The following PSMD11 variants were observed in gnomAD, a reference collection of about 807,000 sequenced individuals.
PSMD11 encodes 26S proteasome non-ATPase regulatory subunit 11.
PSMD11 carries 5 observed loss-of-function variants against 62.3 expected under a neutral mutation model. The observed-to-expected ratio is 0.08, with a 90% CI of 0.04 to 0.17. The LOEUF is 0.17. Ranked by LOEUF, PSMD11 falls within the 10% of genes least tolerant of loss-of-function variation. The pLI is 1.00. For missense variants in PSMD11, 310 were observed against 512.9 expected (o/e 0.60, Z 3.82); for synonymous variants, 191 against 191.8 (o/e 1.00, Z 0.03).
chr17:32,467,105 C>T (rs1240858062), intron 5 of PSMD11, among the ~76,000 whole-genome samples: 2 of 151,546 alleles, frequency 1.3e-5, no homozygotes, highest in African/African-American at 4.9e-5. Flanking sequence ...CCACCATGCT[C>T]GGCTAATTTT....
intron 12 of PSMD11, 56 bp from the exon 13 acceptor site, chr17:32,480,433 A>G (rs1908454841): frequency 3.7e-6 from 6 of 1,605,496 alleles, no homozygotes; most frequent in South Asian, 1.1e-5. Flanking sequence ...CTGCTTCACA[A>G]ACACTTTTGT....
chr17:32,475,204 CAT>C (rs1191665127), intron 8 of PSMD11, among the ~76,000 whole-genome samples: 2 of 152,098 alleles, frequency 1.3e-5, no homozygotes, highest in African/African-American at 4.8e-5. Flanking sequence ...AGGTCTGGTG[CAT>C]ATGTGCTTTA....
chr17:32,468,636 A>T (rs756205570), intron 5 of PSMD11, among the ~76,000 whole-genome samples: 1 of 152,190 alleles, frequency 6.6e-6, no homozygotes, highest in Non-Finnish European at 1.5e-5. Flanking sequence ...AGTGTTTCTT[A>T]TATAGCCTTG....
At chr17:32,451,120 CAAAA>C (rs68054446) in intron 2 of PSMD11, among the ~76,000 whole-genome samples, 3 of 106,380 alleles carry the variant, frequency 2.8e-5, no homozygotes, top group Non-Finnish European at 4.0e-5. Context: ...GGCTCTTTCT[CAAAA>C]AAAAAAAAAA....
intron 3 of PSMD11, among the ~76,000 whole-genome samples, chr17:32,456,810 C>T (rs530063873): frequency 3.7e-4 from 57 of 152,324 alleles, no homozygotes; most frequent in African/African-American, 1.1e-3. Flanking sequence ...GGATTACCGG[C>T]GTGAGCCACC....
At chr17:32,457,910 C>T (rs1369661736) in intron 3 of PSMD11, among the ~76,000 whole-genome samples, 1 of 151,934 alleles carries the variant, frequency 6.6e-6, no homozygotes, top group Non-Finnish European at 1.5e-5. Flanking sequence ...AAGCAATTCT[C>T]CTGCCTCAGC....
rs1908475630 is a variant in PSMD11, at chr17:32,481,076, C to T, written c.*324C>T. On this transcript the variant is annotated 3_prime_UTR_variant, in exon 14 of 14. Coordinates refer to ENST00000261712, the MANE Select transcript of PSMD11 (RefSeq NM_002815.4). ...GGAGAGGGCCGCAAAGCCAGGCACCCCGCCAACCACTGGGGGTCCTAATCC... is the reference window on the plus strand; with the variant it reads ...GGAGAGGGCCGCAAAGCCAGGCACCTCGCCAACCACTGGGGGTCCTAATCC... 1 of 155,802 alleles carries T rather than the reference C, an allele frequency of 6.4e-6. No individual in the cohort carries two copies. The highest frequency in any genetic ancestry group is 2.0e-4 in the South Asian group (1 of 5,110). 9.7% of individuals were successfully genotyped at this position (155,802 alleles called of 1,614,324 possible). A position where few individuals can be genotyped will look rare whatever the true frequency, so the allele number is the denominator to read the frequency against.
chr17:32,447,129 C>T, intron 2 of PSMD11, 83 bp downstream of exon 2: 1 of 1,080,010 alleles, frequency 9.3e-7, no homozygotes, highest in Non-Finnish European at 1.3e-6. Context: ...GGGACTGATC[C>T]ACAAACTGAA....
chr17:32,446,678 G>A (rs529024707), intron 1 of PSMD11, among the ~76,000 whole-genome samples: 1 of 152,202 alleles, frequency 6.6e-6, no homozygotes, highest in African/African-American at 2.4e-5. Flanking sequence ...AGTGTATGTA[G>A]GTAAGCAAAA....
At position 32,479,226 on chromosome 17, in the gene PSMD11, T is replaced by C; in HGVS notation, c.913-25T>C. 3 of 1,612,314 alleles carry C rather than the reference T, an allele frequency of 1.9e-6. No individual in the cohort carries two copies. The South Asian group carries it at 3.3e-5, about 18-fold the overall frequency. The stretch of plus-strand genomic sequence containing the variant: ...ACTTTAAAGTGATTCTCTGTGCCAA[T>C]CTCTGCAACTGGTTCCTTTGGCAGG... On this transcript the variant is annotated intron_variant, in intron 9 of 13. Transcript: ENST00000261712.
At position 32,467,284 on chromosome 17, in the gene PSMD11, C is replaced by A. The variant is rs570784768; in HGVS notation, c.449-1715C>A. Among the ~76,000 whole-genome samples the A allele has an allele frequency of 2.7e-4, 26 of 97,280 alleles. No homozygotes were observed. In the Middle Eastern group the frequency reaches 0.029, roughly 110 times the overall value. The allele number at this position is 97,280 out of a possible 152,430, so 63.8% of individuals were successfully genotyped here. On this transcript the variant is annotated intron_variant, in intron 5 of 13. Coordinates refer to ENST00000261712, the MANE Select transcript of PSMD11 (RefSeq NM_002815.4). ...TTTTCTTGAGACACTCTTGCTCTGT[C>A]TCCCAGGCTGGAGTGCGGTGGCACG...
rs545833166 is a variant in PSMD11 at position 32,466,937 on chromosome 17, G to T, written c.449-2062G>T. Among the ~76,000 whole-genome samples, 4 of 151,962 alleles carry T rather than the reference G, an allele frequency of 2.6e-5. No individual in the cohort carries two copies. The East Asian group carries it at 5.8e-4, about 22-fold the overall frequency. ...GCTCCTTCGTATGTCTTGTTTTTTT[G>T]TTTGTTTGTTTGTTTGTTTTTTCTT... On this transcript the variant is annotated intron_variant, in intron 5 of 13. Coordinates refer to ENST00000261712, the MANE Select transcript of PSMD11 (RefSeq NM_002815.4).
At chr17:32,463,546 AT>A (rs2150834287) in intron 3 of PSMD11, 1 of 157,834 alleles carries the variant, frequency 6.3e-6, no homozygotes, top group East Asian at 1.8e-4. Flanking sequence ...TGATGAATTG[AT>A]TAGTTGCACT....
chr17:32,455,463 G>A (rs1349682201), intron 3 of PSMD11, among the ~76,000 whole-genome samples: 1 of 152,128 alleles, frequency 6.6e-6, no homozygotes, highest in African/African-American at 2.4e-5. Context: ...ATAATATAAG[G>A]GCAGAATTGC....
Position 32,479,388 on chromosome 17 carries a change from C to T in PSMD11, c.1038+12C>T. 2 of 1,613,272 alleles carry T rather than the reference C, an allele frequency of 1.2e-6. No homozygotes were observed. The highest frequency in any genetic ancestry group is 1.7e-6 in the Non-Finnish European group (2 of 1,179,528). On this transcript the variant is annotated intron_variant, in intron 10 of 13. Coordinates refer to ENST00000261712, the MANE Select transcript of PSMD11 (RefSeq NM_002815.4). ...TTTCCAGAGTACAGGTGAGAACCCTCTGGGGACTCCATTTCTGGCCAGGCA... is the reference window on the plus strand; with the variant it reads ...TTTCCAGAGTACAGGTGAGAACCCTTTGGGGACTCCATTTCTGGCCAGGCA...
chr17:32,458,968 G>A (rs1013572759), intron 3 of PSMD11, among the ~76,000 whole-genome samples: 1 of 151,498 alleles, frequency 6.6e-6, no homozygotes, highest in African/African-American at 2.4e-5. Context: ...GGTGGTGCAT[G>A]CCTGTAATCC....
chr17:32,465,521 C>T (rs1907968684), intron 5 of PSMD11, among the ~76,000 whole-genome samples: 1 of 152,120 alleles, frequency 6.6e-6, no homozygotes, highest in South Asian at 2.1e-4. Context: ...AATTTTTGGA[C>T]TGCAAAAGTG....
In PSMD11 at chr17:32,478,304, C is replaced by A. The variant is rs1250232877; in HGVS notation, c.912+721C>A. ...ACTAGACCATGTGGCTTTGACTGTC[C>A]CTGAGATTCACCATCTTCCTGGAGG... On this transcript the variant is annotated intron_variant, in intron 9 of 13. Transcript: ENST00000261712. Among the ~76,000 whole-genome samples, 5 of 152,088 alleles carry A rather than the reference C, an allele frequency of 3.3e-5. No homozygotes were observed. In the East Asian group the frequency reaches 7.7e-4, roughly 23 times the overall value.
intron 6 of PSMD11, among the ~76,000 whole-genome samples, chr17:32,471,479 A>G (rs1219972171): frequency 6.6e-6 from 1 of 152,260 alleles, no homozygotes; most frequent in East Asian, 1.9e-4. Context: ...TGAAAATATA[A>G]GATGTTGGAT....
Sources: gnomAD v4.1 joint callset for allele counts (sites outside exome capture counted in the v4.1 genomes callset) on GRCh38, gnomAD v4.1.1 for gene constraint, MANE v1.5 for transcripts, NCBI Gene and HGNC (gene_info 2026-07-23, HGNC 2026-07-21) for gene names.